Variants in LYPLAL1 observed in about 807,000 individuals in gnomAD.
The protein encoded by LYPLAL1 is lysophospholipase like 1.
Under a neutral mutation model 19.7 loss-of-function variants are expected in LYPLAL1, and 23 were observed. The ratio of observed to expected loss-of-function variants is 1.17; its 90% confidence interval spans 0.84 to 1.65. The LOEUF (loss-of-function observed/expected upper bound fraction) is 1.65, where lower values mean the gene tolerates loss of function less well. Among genes scored for constraint, LYPLAL1 ranks in the 40% most tolerant of loss-of-function variants. LYPLAL1 has a pLI of 0.00. For synonymous variants in LYPLAL1, 119 were observed against 96.3 expected, an observed-to-expected ratio of 1.24 and a Z score of -1.38; for missense variants, 355 against 279.4, an observed-to-expected ratio of 1.27 and a Z score of -1.93.
chr1:219,231,967 A>G, the LYPLAL1 span, among the ~76,000 whole-genome samples: 2 of 152,186 alleles, frequency 1.3e-5, no homozygotes, highest in Non-Finnish European at 2.9e-5. Context: ...TATTTTTTCT[A>G]TGTTCTCCAT....
At chr1:219,301,265 T>A in the LYPLAL1 span, among the ~76,000 whole-genome samples, 1 of 152,140 alleles carries the variant, frequency 6.6e-6, no homozygotes, top group Non-Finnish European at 1.5e-5. Context: ...AAACACATAC[T>A]TTTCCCCAAG....
chr1:219,255,413 T>C, the LYPLAL1 span, among the ~76,000 whole-genome samples: 1 of 151,972 alleles, frequency 6.6e-6, no homozygotes, highest in African/African-American at 2.4e-5. Context: ...TATTTATTTG[T>C]TGCAAGTATA....
the LYPLAL1 span, among the ~76,000 whole-genome samples, chr1:219,378,915 A>G: frequency 6.6e-6 from 1 of 152,186 alleles, no homozygotes. Context: ...ATGCCCAGTA[A>G]TCACTTTACC....
At chr1:219,212,953 C>T (rs1455607182), downstream of LYPLAL1, 1 of 152,040 alleles carries the variant, frequency 6.6e-6, no homozygotes, top group African/African-American at 2.4e-5. Context: ...TTATAACCTT[C>T]CAAGAAATAG....
At chr1:219,435,832 G>GATA in the LYPLAL1 span, among the ~76,000 whole-genome samples, 86 of 151,108 alleles carry the variant, frequency 5.7e-4, no homozygotes, top group South Asian at 1.0e-3. Flanking sequence ...TCCCAAAAAT[G>GATA]ATAATAATAA....
At chr1:219,439,959 C>CTATATATATATATACATA in the LYPLAL1 span, among the ~76,000 whole-genome samples, 1 of 131,686 alleles carries the variant, frequency 7.6e-6, no homozygotes, top group South Asian at 2.2e-4. Flanking sequence ...ACAAAACTGA[C>CTATATATATATATACATA]TATATATATA....
the LYPLAL1 span, among the ~76,000 whole-genome samples, chr1:219,346,985 T>C: frequency 6.6e-6 from 1 of 152,196 alleles, no homozygotes; most frequent in African/African-American, 2.4e-5. Context: ...TCTTGTTTAT[T>C]ATAGGTAACA....
At chr1:219,385,280 C>T in the LYPLAL1 span, among the ~76,000 whole-genome samples, 1 of 152,118 alleles carries the variant, frequency 6.6e-6, no homozygotes, top group African/African-American at 2.4e-5. Context: ...AGGTTCAGTT[C>T]TGAGATAGAG....
chr1:219,356,612 C>T, the LYPLAL1 span, among the ~76,000 whole-genome samples: 2 of 152,142 alleles, frequency 1.3e-5, no homozygotes, highest in Non-Finnish European at 2.9e-5. Flanking sequence ...CAGTCTGTTG[C>T]TCTACATTGC....
At chr1:219,239,475 G>A in the LYPLAL1 span, among the ~76,000 whole-genome samples, 5 of 152,202 alleles carry the variant, frequency 3.3e-5, no homozygotes, top group Admixed American at 2.6e-4. Flanking sequence ...TGGTCAAGAT[G>A]ACAATGAAAT....
chr1:219,286,930 C>A, the LYPLAL1 span, among the ~76,000 whole-genome samples: 1 of 152,116 alleles, frequency 6.6e-6, no homozygotes, highest in Non-Finnish European at 1.5e-5. Context: ...TTGAAAAAAT[C>A]TGCATGGAAT....
the LYPLAL1 span, among the ~76,000 whole-genome samples, chr1:219,406,172 A>G: frequency 1.3e-5 from 2 of 152,234 alleles, no homozygotes; most frequent in African/African-American, 4.8e-5. Context: ...ATAAGTTATT[A>G]TTATGCAAAC....
chr1:219,315,754 C>T, the LYPLAL1 span, among the ~76,000 whole-genome samples: 1 of 152,058 alleles, frequency 6.6e-6, no homozygotes, highest in African/African-American at 2.4e-5. Flanking sequence ...TCAGCAGATA[C>T]TGGCAAAATT....
At chr1:219,383,202 T>C in the LYPLAL1 span, among the ~76,000 whole-genome samples, 1 of 152,232 alleles carries the variant, frequency 6.6e-6, no homozygotes, top group East Asian at 1.9e-4. Flanking sequence ...CACTAAAGCA[T>C]ATTCACTTGT....
chr1:219,418,865 G>A, the LYPLAL1 span, among the ~76,000 whole-genome samples: 2 of 152,134 alleles, frequency 1.3e-5, no homozygotes, highest in East Asian at 3.9e-4. Context: ...AAAAAAGTTT[G>A]CCTTTGCTAG....
chr1:219,418,637 G>C, the LYPLAL1 span, among the ~76,000 whole-genome samples: 3 of 152,120 alleles, frequency 2.0e-5, no homozygotes, highest in Non-Finnish European at 4.4e-5. Context: ...AGCCTGCATT[G>C]ATCCATCAAT....
the LYPLAL1 span, among the ~76,000 whole-genome samples, chr1:219,230,588 G>A: frequency 6.6e-6 from 1 of 152,140 alleles, no homozygotes; most frequent in Non-Finnish European, 1.5e-5. Context: ...CTAATCTTAT[G>A]GCATTAAAGT....
the LYPLAL1 span, among the ~76,000 whole-genome samples, chr1:219,292,978 C>A: frequency 1.3e-5 from 2 of 152,180 alleles, no homozygotes; most frequent in Non-Finnish European, 2.9e-5. Flanking sequence ...CTAGTGGATT[C>A]ACTGCTTGGG....
chr1:219,436,384 G>A, the LYPLAL1 span, among the ~76,000 whole-genome samples: 22 of 152,280 alleles, frequency 1.4e-4, 1 homozygote, highest in East Asian at 3.9e-3. Context: ...TTAATATGAT[G>A]TCAGATATGT....
Sources: gnomAD v4.1 joint callset for allele counts (sites outside exome capture counted in the v4.1 genomes callset) on GRCh38, gnomAD v4.1.1 for gene constraint, MANE v1.5 for transcripts, NCBI Gene and HGNC (gene_info 2026-07-23, HGNC 2026-07-21) for gene names.